Variants in CPS1 observed in about 807,000 individuals in gnomAD.
CPS1 encodes the protein carbamoyl-phosphate synthase [ammonia], mitochondrial.
A neutral mutation model predicts 174.6 loss-of-function variants in CPS1; 109 were observed. The observed-to-expected ratio is 0.62, with a 90% CI of 0.53 to 0.73. The LOEUF (loss-of-function observed/expected upper bound fraction) is 0.73, where lower values mean the gene tolerates loss of function less well. Ranked by LOEUF, CPS1 falls within the 30% of genes least tolerant of loss-of-function variation. The pLI, the probability that CPS1 is intolerant of heterozygous loss-of-function variation, is 0.00. For missense variants in CPS1, 1,689 were observed against 1,821.9 expected (o/e 0.93, Z 1.33); for synonymous variants, 637 against 632.0 (o/e 1.01, Z -0.12).
chr2:210,635,626 G>A (rs562469584), intron 21 of CPS1, among the ~76,000 whole-genome samples: 47 of 152,284 alleles, frequency 3.1e-4, no homozygotes, highest in African/African-American at 1.1e-3. Context: ...TGCTATGTTG[G>A]ATGGCACAGT....
Position 210,595,539 on chromosome 2 carries a change from G to C in CPS1, c.1316G>C (p.Gly439Ala). ...GSGGLSIGQA[G>A]EFDYSGSQAV... is the part of the protein sequence containing the mutation. Reference sequence around the variant, plus strand: ...GGAGGTCTGTCCATTGGTCAGGCTGGAGAATTTGATTACTCAGGATCTCAA... The same window carrying C: ...GGAGGTCTGTCCATTGGTCAGGCTGCAGAATTTGATTACTCAGGATCTCAA... The change falls in exon 13 of 38, where the codon GGA (glycine) becomes GCA (alanine). Residue 439 changes from glycine to alanine, a missense_variant. Transcript: ENST00000233072. 6.2e-7 allele frequency: 1 copy of C among 1,611,612 alleles called. No homozygotes were observed. The highest frequency in any genetic ancestry group is 8.5e-7 in the Non-Finnish European group (1 of 1,178,424).
chr2:210,641,099 A>G (rs1700209577), intron 24 of CPS1, among the ~76,000 whole-genome samples: 1 of 152,070 alleles, frequency 6.6e-6, no homozygotes. Context: ...GCACAAAGGG[A>G]ACAAATTCCC....
chr2:210,570,566 C>G (rs1697441800), intron 1 of CPS1, among the ~76,000 whole-genome samples: 1 of 151,882 alleles, frequency 6.6e-6, no homozygotes, highest in African/African-American at 2.4e-5. Context: ...GCAAGCATGT[C>G]TCAGAGTAGC....
Position 210,594,450 on chromosome 2 carries a change from T to C in CPS1, c.1165-58T>C. ...AAATTTAACTGGGTATATTGTGTTT[T>C]ATCTGGTGAACTTAGGAATTTTGAA... On this transcript the variant is annotated intron_variant, in intron 11 of 37. Coordinates refer to ENST00000233072, the MANE Select transcript of CPS1 (RefSeq NM_001875.5). 6 of 1,168,338 alleles carry C rather than the reference T, an allele frequency of 5.1e-6. No individual in the cohort carries two copies. In the South Asian group the frequency reaches 7.5e-5, roughly 15 times the overall value. The allele number at this position is 1,168,338 out of a possible 1,614,324, so 72.4% of individuals were successfully genotyped here.
chr2:210,479,390 A>G (rs4673531), intron 1 of CPS1, among the ~76,000 whole-genome samples: 62,503 of 146,560 alleles, frequency 0.43, 14,699 homozygotes, highest in East Asian at 0.61. Context: ...GTGCAGTGGC[A>G]CGATCTCGGC....
At chr2:210,566,631 G>C (rs1022212663) in intron 1 of CPS1, among the ~76,000 whole-genome samples, 1 of 152,164 alleles carries the variant, frequency 6.6e-6, no homozygotes, top group Non-Finnish European at 1.5e-5. Context: ...AAAAGAAAAA[G>C]AGGTTATAAG....
intron 32 of CPS1, among the ~76,000 whole-genome samples, 188 bp downstream of exon 32, chr2:210,660,843 C>CA (rs1023372003): frequency 6.6e-6 from 1 of 152,052 alleles, no homozygotes; most frequent in Non-Finnish European, 1.5e-5. Context: ...TTGTACATTT[C>CA]AAAAAAATTT....
At chr2:210,616,949 A>G (rs1699332759) in intron 21 of CPS1, among the ~76,000 whole-genome samples, 1 of 151,956 alleles carries the variant, frequency 6.6e-6, no homozygotes, top group African/African-American at 2.4e-5. Context: ...CCCTTTTAAT[A>G]TCAATCTATA....
intron 34 of CPS1, among the ~76,000 whole-genome samples, chr2:210,671,354 G>T (rs1165621793): frequency 6.6e-6 from 1 of 152,176 alleles, no homozygotes; most frequent in Non-Finnish European, 1.5e-5. Context: ...CCATAGAGTT[G>T]TCAATCCAGA....
rs751075285 is a variant in CPS1 at position 210,616,448 on chromosome 2, A to T, written c.2594A>T (p.Asp865Val). 1 of 1,611,944 alleles carries T rather than the reference A, an allele frequency of 6.2e-7. No individual in the cohort carries two copies. The highest frequency in any genetic ancestry group is 8.5e-7 in the Non-Finnish European group (1 of 1,178,464). Residue 865 changes from aspartate (D) to valine (V), a missense_variant, in exon 21 of 38, where the codon GAT becomes GTT. Transcript: ENST00000233072. The part of the protein sequence containing the change: ...AKAIDDNMSL[D>V]EIEKLTYIDK... ...GCCATTGATGACAACATGTCCCTTG[A>T]TGAGATTGAGAAGCTCACATACATT... is the stretch of plus-strand genomic sequence containing the variant.
At chr2:210,647,674 G>A (rs1226467838) in intron 25 of CPS1, among the ~76,000 whole-genome samples, 189 bp from the exon 26 acceptor site, 1 of 152,156 alleles carries the variant, frequency 6.6e-6, no homozygotes, top group African/African-American at 2.4e-5. Context: ...ATCTTGCACA[G>A]ATTTTAGCAT....
At chr2:210,635,107 C>T (rs1378537069) in intron 21 of CPS1, among the ~76,000 whole-genome samples, 2 of 152,064 alleles carry the variant, frequency 1.3e-5, no homozygotes, top group East Asian at 3.9e-4. Context: ...CTATGCCCAG[C>T]TAGCTTTTTG....
intron 1 of CPS1, among the ~76,000 whole-genome samples, chr2:210,560,512 T>G (rs531775096): frequency 6.6e-6 from 1 of 152,280 alleles, no homozygotes; most frequent in Non-Finnish European, 1.5e-5. Flanking sequence ...CCACTCATTT[T>G]TTAACAATGG....
At chr2:210,669,550 C>A (rs1048486082) in intron 34 of CPS1, among the ~76,000 whole-genome samples, 1 of 152,076 alleles carries the variant, frequency 6.6e-6, no homozygotes, top group Non-Finnish European at 1.5e-5. Flanking sequence ...AAATTAGACT[C>A]TGGAGACTTT....
In CPS1 at chr2:210,677,983, T is replaced by G. The variant is rs762494955; in HGVS notation, c.4501T>G (p.Ter1501GluextTer13). 3.1e-6 allele frequency: 5 copies of G among 1,610,262 alleles called. No homozygotes were observed. In the East Asian group the frequency reaches 1.1e-4, roughly 36 times the overall value. ...GCAGTACAGTGCTGGAAAAGCAGCATAGAGATGCAGACACCCCAGCCCCAT... is the reference window on the plus strand; with the variant it reads ...GCAGTACAGTGCTGGAAAAGCAGCAGAGAGATGCAGACACCCCAGCCCCAT... ...YRQYSAGKAA* is the reference protein window; with the variant it reads ...YRQYSAGKAAE The change falls in exon 38 of 38, where the codon TAG (stop) becomes GAG (glutamate). Residue 1501 changes from the stop codon to glutamate (E), a stop_lost. Coordinates refer to ENST00000233072, the MANE Select transcript of CPS1 (RefSeq NM_001875.5).
chr2:210,647,955 A>G lies in CPS1; in HGVS notation c.3234A>G (p.Thr1078=), dbSNP rs148570490. Residue 1078 remains threonine (T), a synonymous_variant, in exon 26 of 38, where the codon ACA becomes ACG. Coordinates refer to ENST00000233072, the MANE Select transcript of CPS1 (RefSeq NM_001875.5). ...LYKNGVKIMG[T]SPLQIDRAED... is the part of the protein sequence containing the mutation. Reference sequence around the variant, plus strand: ...AGAATGGTGTCAAGATCATGGGCACAAGCCCCCTGCAGATCGACAGGGCTG... The same window carrying G: ...AGAATGGTGTCAAGATCATGGGCACGAGCCCCCTGCAGATCGACAGGGCTG... The G allele has an allele frequency of 6.8e-6, 11 of 1,613,944 alleles. No individual in the cohort carries two copies. The highest frequency in any genetic ancestry group is 1.6e-4 in the Middle Eastern group (1 of 6,074).
At chr2:210,549,015 T>C (rs1696644098) in intron 1 of CPS1, among the ~76,000 whole-genome samples, 1 of 152,054 alleles carries the variant, frequency 6.6e-6, no homozygotes, top group African/African-American at 2.4e-5. Flanking sequence ...GGAATGTGCG[T>C]AGGTGACCTG....
intron 24 of CPS1, 95 bp downstream of exon 24, chr2:210,640,154 TA>T: frequency 1.2e-6 from 1 of 865,724 alleles, no homozygotes; most frequent in Non-Finnish European, 1.9e-6. Flanking sequence ...CTATATCAAA[TA>T]AATGCTGTAA....
chr2:210,541,502 A>G (rs1261550297), intron 1 of CPS1, among the ~76,000 whole-genome samples: 1 of 152,124 alleles, frequency 6.6e-6, no homozygotes, highest in East Asian at 1.9e-4. Flanking sequence ...AGAATAACAA[A>G]CAGAACAAAC....
Sources: allele counts gnomAD v4.1 joint callset (sites outside exome capture counted in the v4.1 genomes callset), GRCh38; gene constraint gnomAD v4.1.1; transcripts MANE v1.5; gene names NCBI Gene and HGNC (gene_info 2026-07-23, HGNC 2026-07-21).